LRRC1: variants seen among roughly 807,000 people sequenced by gnomAD.
LRRC1 encodes the protein leucine-rich repeat-containing protein 1.
Under a neutral mutation model 69.9 loss-of-function variants are expected in LRRC1, and 28 were observed. That is an observed-to-expected ratio of 0.40 (90% CI 0.30 to 0.55). The LOEUF is 0.55. Ranked by LOEUF, LRRC1 falls within the 20% of genes least tolerant of loss-of-function variation. The pLI is 0.47. For missense variants in LRRC1, 498 were observed against 609.0 expected (o/e 0.82, Z 1.92); for synonymous variants, 236 against 240.2 (o/e 0.98, Z 0.16).
chr6:53,812,033 A>T (rs1207838354), intron 1 of LRRC1, among the ~76,000 whole-genome samples: 1 of 152,236 alleles, frequency 6.6e-6, no homozygotes, highest in African/African-American at 2.4e-5. Context: ...GGTAGAGGGC[A>T]TTGCATGCAC....
chr6:53,802,019 GGTTA>G (rs1388017690), intron 1 of LRRC1, among the ~76,000 whole-genome samples: 1 of 152,170 alleles, frequency 6.6e-6, no homozygotes, highest in Non-Finnish European at 1.5e-5. Flanking sequence ...CCTTGTTCAC[GGTTA>G]GTTCTGGAGC....
At chr6:53,801,808 T>G (rs1444997953) in intron 1 of LRRC1, among the ~76,000 whole-genome samples, 2 of 152,186 alleles carry the variant, frequency 1.3e-5, no homozygotes, top group Non-Finnish European at 1.5e-5. Flanking sequence ...AATTAAACAT[T>G]TAGTGAGTTT....
chr6:53,800,054 T>C (rs997931355), intron 1 of LRRC1, among the ~76,000 whole-genome samples: 5 of 152,222 alleles, frequency 3.3e-5, no homozygotes, highest in African/African-American at 1.2e-4. Flanking sequence ...TAGTTCAAAA[T>C]GCTGCCCCAA....
chr6:53,859,626 C>A (rs1301970170), intron 2 of LRRC1, among the ~76,000 whole-genome samples: 1 of 152,096 alleles, frequency 6.6e-6, no homozygotes, highest in African/African-American at 2.4e-5. Context: ...GTTCAAAATT[C>A]AAGCATCTAT....
intron 1 of LRRC1, among the ~76,000 whole-genome samples, chr6:53,800,547 C>T (rs1045596737): frequency 4.0e-5 from 6 of 151,726 alleles, no homozygotes; most frequent in African/African-American, 9.7e-5. Flanking sequence ...TCACCATGCC[C>T]GGCCAAAATA....
chr6:53,903,796 T>C (rs1271634375), intron 9 of LRRC1, among the ~76,000 whole-genome samples: 3 of 152,202 alleles, frequency 2.0e-5, no homozygotes, highest in Non-Finnish European at 4.4e-5. Flanking sequence ...GGCTTACAAA[T>C]AGTAATCATA....
In LRRC1 at chr6:53,795,139, C is replaced by T; in HGVS notation, c.-118C>T. 1 of 914,810 alleles carries T rather than the reference C, an allele frequency of 1.1e-6. No individual in the cohort carries two copies. Among genetic ancestry groups the T allele is most frequent in the South Asian group, 1.8e-5 (1 of 56,416 alleles). The allele number at this position is 914,810 out of a possible 1,614,324, so 56.7% of individuals were successfully genotyped here. A position where few individuals can be genotyped will look rare whatever the true frequency, so the allele number is the denominator to read the frequency against. The stretch of plus-strand genomic sequence containing the variant: ...GCCCGGCGCGAGAAGCGAGCTAACC[C>T]AAGAGCCAACAACGAGCGCGGAGAG... On this transcript the variant is annotated 5_prime_UTR_variant, in exon 1 of 14. Transcript: ENST00000370888.
chr6:53,885,570 G>A (rs1317676557), intron 4 of LRRC1, among the ~76,000 whole-genome samples: 1 of 152,182 alleles, frequency 6.6e-6, no homozygotes, highest in Non-Finnish European at 1.5e-5. Flanking sequence ...GTGGTCAGAT[G>A]GGTAAACCAC....
chr6:53,805,147 C>T (rs139142190), intron 1 of LRRC1, among the ~76,000 whole-genome samples: 5 of 152,182 alleles, frequency 3.3e-5, no homozygotes, highest in East Asian at 3.9e-4. Flanking sequence ...GATCTTTGGA[C>T]GACTAACATC....
intron 3 of LRRC1, among the ~76,000 whole-genome samples, chr6:53,882,175 C>T (rs542478625): frequency 1.6e-3 from 242 of 152,142 alleles, no homozygotes; most frequent in African/African-American, 5.1e-3. Context: ...GGTGAAACCC[C>T]GTCTCTACTT....
chr6:53,806,709 A>G (rs1408825159), intron 1 of LRRC1, among the ~76,000 whole-genome samples: 6 of 152,252 alleles, frequency 3.9e-5, no homozygotes, highest in Non-Finnish European at 5.9e-5. Flanking sequence ...TAGTAGAACC[A>G]CAAATCTAGG....
intron 2 of LRRC1, among the ~76,000 whole-genome samples, chr6:53,858,039 T>C (rs1015514196): frequency 1.3e-5 from 2 of 152,208 alleles, no homozygotes; most frequent in African/African-American, 4.8e-5. Flanking sequence ...CTGTTGCCAC[T>C]ACAAGGCAGA....
intron 1 of LRRC1, among the ~76,000 whole-genome samples, chr6:53,827,629 G>C (rs1340209459): frequency 7.9e-5 from 12 of 152,156 alleles, no homozygotes; most frequent in Admixed American, 7.9e-4. Context: ...TGATTCACTG[G>C]TGCCAGAACA....
chr6:53,795,313 G>A lies in LRRC1; in HGVS notation c.57G>A (p.Lys19=), dbSNP rs749305883. The A allele has an allele frequency of 2.5e-6, 4 of 1,613,374 alleles. No individual in the cohort carries two copies. The highest frequency in any genetic ancestry group is 2.5e-6 in the Non-Finnish European group (3 of 1,179,932). Residue 19 remains lysine (K), a synonymous_variant, in exon 1 of 14, where the codon AAG becomes AAA. Transcript: ENST00000370888. ...RCNRHVESID[K]RHCSLVYVPE... is the part of the protein sequence containing the mutation. ...ACCGTCATGTGGAGAGCATCGACAA[G>A]CGCCACTGCTCGCTGGTCTACGTCC... is the stretch of plus-strand genomic sequence containing the variant.
chr6:53,880,015 T>C (rs1445246392), intron 3 of LRRC1, among the ~76,000 whole-genome samples: 3 of 152,186 alleles, frequency 2.0e-5, no homozygotes, highest in Admixed American at 2.0e-4. Context: ...TCAGAAGAAA[T>C]GCACTCTTCC....
intron 1 of LRRC1, among the ~76,000 whole-genome samples, chr6:53,808,436 C>G (rs1263680588): frequency 6.6e-6 from 1 of 151,960 alleles, no homozygotes; most frequent in Non-Finnish European, 1.5e-5. Flanking sequence ...GGAGAGGAAA[C>G]CTGGGTAATT....
intron 2 of LRRC1, among the ~76,000 whole-genome samples, chr6:53,857,344 G>T (rs1043402056): frequency 6.6e-6 from 1 of 152,226 alleles, no homozygotes; most frequent in Non-Finnish European, 1.5e-5. Flanking sequence ...GGGACTGGTA[G>T]TGTGGGAGCC....
chr6:53,900,108 G>C (rs1330896731), intron 8 of LRRC1, among the ~76,000 whole-genome samples: 3 of 136,416 alleles, frequency 2.2e-5, no homozygotes. Flanking sequence ...TGCAATCTCA[G>C]CTCACTGCCA....
chr6:53,911,703 T>C (rs573017000), intron 10 of LRRC1, among the ~76,000 whole-genome samples: 1 of 152,326 alleles, frequency 6.6e-6, no homozygotes, highest in Admixed American at 6.5e-5. Flanking sequence ...CTCCTCCACC[T>C]GGAGCAGGGA....
Sources: gnomAD v4.1 joint callset for allele counts (sites outside exome capture counted in the v4.1 genomes callset) on GRCh38, gnomAD v4.1.1 for gene constraint, MANE v1.5 for transcripts, NCBI Gene and HGNC (gene_info 2026-07-23, HGNC 2026-07-21) for gene names.